Variants in MTCL1 observed in about 807,000 individuals in gnomAD.
The protein encoded by MTCL1 is microtubule crosslinking factor 1.
Under a neutral mutation model 141.4 loss-of-function variants are expected in MTCL1, and 79 were observed. The observed-to-expected ratio is 0.56, with a 90% CI of 0.47 to 0.67. MTCL1 has a LOEUF of 0.67. MTCL1 is among the 30% of genes least tolerant of loss of function. The probability of loss-of-function intolerance (pLI) is 0.00; values close to 1 mark genes in which losing one functional copy is unlikely to be tolerated. For synonymous variants in MTCL1, 914 were observed against 875.8 expected (o/e 1.04, Z -0.77); for missense variants, 2,177 against 2,113.9 (o/e 1.03, Z -0.59).
At chr18:8,813,207 A>G in exon 12 of MTCL1, 1 of 1,612,076 alleles carries the variant, frequency 6.2e-7, no homozygotes. Context: ...GCGGCAGAAG[A>G]AGGAATTCTT....
At chr18:8,800,926 A>AAAG (rs1555665040) in intron 10 of MTCL1, 1 of 151,558 alleles carries the variant, frequency 6.6e-6, no homozygotes, top group Non-Finnish European at 1.5e-5. Context: ...AAAAAAAAAA[A>AAAG]GTGTGAAGAA....
chr18:8,784,775 A>C (rs1386769549), exon 6 of MTCL1: 1 of 1,613,656 alleles, frequency 6.2e-7, no homozygotes, highest in African/African-American at 1.3e-5. Flanking sequence ...CTTCCTCTCC[A>C]CTGTGACTTC....
At chr18:8,754,677 G>A (rs1309186047) in intron 4 of MTCL1, among the ~76,000 whole-genome samples, 1 of 152,192 alleles carries the variant, frequency 6.6e-6, no homozygotes, top group Non-Finnish European at 1.5e-5. Context: ...TAGCCACCCA[G>A]GTTCCTAGTA....
At chr18:8,792,332 T>A (rs1228228308) in intron 7 of MTCL1, among the ~76,000 whole-genome samples, 1 of 152,212 alleles carries the variant, frequency 6.6e-6, no homozygotes, top group Non-Finnish European at 1.5e-5. Flanking sequence ...CCAATAAAAA[T>A]CATGATACAG....
At chr18:8,710,860 TCTGTTTTCTTTTTTCTTTTTTTTTTTAC>T in intron 1 of MTCL1, among the ~76,000 whole-genome samples, 1 of 128,300 alleles carries the variant, frequency 7.8e-6, no homozygotes, top group African/African-American at 3.1e-5. Context: ...TTTTTTTTAA[TCTGTTTTCTTTTTTCTTTTTTTTTTTAC>T]TTTTTTTTTT....
At chr18:8,742,663 G>C (rs2096311207) in intron 4 of MTCL1, among the ~76,000 whole-genome samples, 1 of 152,050 alleles carries the variant, frequency 6.6e-6, no homozygotes, top group South Asian at 2.1e-4. Flanking sequence ...GTTTGGGTGG[G>C]GACACAGCCA....
At chr18:8,762,724 C>T (rs1477823649) in intron 4 of MTCL1, among the ~76,000 whole-genome samples, 3 of 152,206 alleles carry the variant, frequency 2.0e-5, no homozygotes, top group East Asian at 1.9e-4. Flanking sequence ...AAGAAGACAT[C>T]GGCACACACA....
intron 12 of MTCL1, among the ~76,000 whole-genome samples, chr18:8,815,321 A>G (rs2144282535): frequency 6.6e-6 from 1 of 152,024 alleles, no homozygotes; most frequent in East Asian, 1.9e-4. Flanking sequence ...TGTCCTTTGT[A>G]GGGACATGGA....
upstream of MTCL1, among the ~76,000 whole-genome samples, chr18:8,714,520 C>T (rs775170906): frequency 6.6e-6 from 1 of 152,100 alleles, no homozygotes; most frequent in Admixed American, 6.5e-5. Flanking sequence ...CTGGGGAGGC[C>T]TCACAATCAT....
At chr18:8,786,020 G>C in exon 7 of MTCL1, 7 of 1,584,068 alleles carry the variant, frequency 4.4e-6, no homozygotes, top group Non-Finnish European at 6.1e-6. Context: ...AGCCGCGCGG[G>C]AGCTGCACCG....
At chr18:8,729,396 TAA>T (rs1391272592) in intron 4 of MTCL1, among the ~76,000 whole-genome samples, 3 of 151,966 alleles carry the variant, frequency 2.0e-5, no homozygotes, top group Admixed American at 6.5e-5. Flanking sequence ...CTTTGTACAT[TAA>T]GTTAATTAAT....
intron 10 of MTCL1, 90 bp from the exon 10 acceptor site, chr18:8,806,803 C>T (rs915152020): frequency 1.4e-6 from 2 of 1,417,192 alleles, no homozygotes; most frequent in Non-Finnish European, 1.9e-6. Flanking sequence ...AAACAGCCCC[C>T]ACACTACCTT....
chr18:8,724,980 T>C (rs1003621286), intron 4 of MTCL1, among the ~76,000 whole-genome samples: 2 of 148,258 alleles, frequency 1.3e-5, no homozygotes, highest in African/African-American at 5.2e-5. Flanking sequence ...TTTTTTTTTT[T>C]CTGATATATT....
chr18:8,790,130 T>C (rs2075670318), intron 7 of MTCL1, among the ~76,000 whole-genome samples: 1 of 152,206 alleles, frequency 6.6e-6, no homozygotes, highest in African/African-American at 2.4e-5. Context: ...GTGAACTGGC[T>C]CAAGGACCTC....
intron 16 of MTCL1, chr18:8,829,103 G>C: frequency 6.6e-7 from 1 of 1,521,966 alleles, no homozygotes; most frequent in South Asian, 1.3e-5. Context: ...CAGGAGGTTC[G>C]CCTAAACCCA....
intron 4 of MTCL1, among the ~76,000 whole-genome samples, chr18:8,766,195 C>T (rs1359142521): frequency 2.0e-5 from 3 of 152,354 alleles, no homozygotes; most frequent in African/African-American, 4.8e-5. Flanking sequence ...ACAAGAAAGG[C>T]GTGGTTAATG....
At chr18:8,785,588 A>G (rs955568916) in intron 6 of MTCL1, 3 of 261,540 alleles carry the variant, frequency 1.1e-5, no homozygotes, top group South Asian at 5.4e-5. Context: ...CGTTTCCTTC[A>G]CGGGTAGCGT....
At chr18:8,778,689 T>A (rs1350179382) in intron 5 of MTCL1, among the ~76,000 whole-genome samples, 1 of 152,200 alleles carries the variant, frequency 6.6e-6, no homozygotes, top group East Asian at 1.9e-4. Flanking sequence ...AGCAGAAAGC[T>A]CAACTGTTCC....
At chr18:8,739,741 GT>G (rs11336939) in intron 4 of MTCL1, among the ~76,000 whole-genome samples, 151,938 of 151,976 alleles carry the variant, frequency 1, 75,950 homozygotes, top group Middle Eastern at 1. Context: ...TTGTTCGTTT[GT>G]TTTTTTTTGA....
Sources: allele counts gnomAD v4.1 joint callset (sites outside exome capture counted in the v4.1 genomes callset), GRCh38; gene constraint gnomAD v4.1.1; transcripts MANE v1.5; gene names NCBI Gene and HGNC (gene_info 2026-07-23, HGNC 2026-07-21).